Variants in CSMD3 observed in about 807,000 individuals in gnomAD.
CSMD3 encodes CUB and Sushi multiple domains 3, also known as CUB and sushi domain-containing protein 3.
A neutral mutation model predicts 435.2 loss-of-function variants in CSMD3; 177 were observed. The ratio of observed to expected loss-of-function variants is 0.41; its 90% CI spans 0.36 to 0.46. CSMD3 has a LOEUF of 0.46. Among genes scored for constraint, CSMD3 ranks in the 20% least tolerant of loss-of-function variants. The probability of loss-of-function intolerance (pLI) is 0.34; values close to 1 mark genes in which losing one functional copy is unlikely to be tolerated. For missense variants in CSMD3, 4,265 were observed against 4,504.6 expected, an observed-to-expected ratio of 0.95 and a Z score of 1.52; for synonymous variants, 1,656 against 1,520.5, an observed-to-expected ratio of 1.09 and a Z score of -2.07.
At chr8:112,839,970 T>C (rs565329741) in intron 11 of CSMD3, among the ~76,000 whole-genome samples, 1 of 151,894 alleles carries the variant, frequency 6.6e-6, no homozygotes, top group South Asian at 2.1e-4. Flanking sequence ...TGGTCTTTGT[T>C]GTTAACCTTA....
In CSMD3 at chr8:113,278,588, T is replaced by C. The variant is rs1352209844; in HGVS notation, c.514+4A>G. The C allele has an allele frequency of 7.1e-7, 1 of 1,413,580 alleles. No homozygotes were observed. The highest frequency in any genetic ancestry group is 1.0e-6 in the Non-Finnish European group (1 of 997,662). The allele number at this position is 1,413,580 out of a possible 1,614,324, so 87.6% of individuals were successfully genotyped here. ...GTGGTTTGTTTGCCACTACCATCAC[T>C]TACCTTCGTAATATACCTTAAATCC... On this transcript the variant is annotated splice_donor_region_variant and intron_variant, in intron 3 of 70. Transcript: ENST00000297405.
At chr8:113,336,801 G>A (rs1183787030) in intron 1 of CSMD3, among the ~76,000 whole-genome samples, 4 of 152,092 alleles carry the variant, frequency 2.6e-5, no homozygotes, top group African/African-American at 7.2e-5. Context: ...AGGATCCAGT[G>A]TTTACACTGA....
intron 59 of CSMD3, among the ~76,000 whole-genome samples, chr8:112,270,601 A>G (rs531594596): frequency 2.4e-4 from 36 of 152,260 alleles, no homozygotes; most frequent in Middle Eastern, 3.4e-3. Flanking sequence ...AAAGTGCCCA[A>G]TGATAGTAGG....
chr8:112,923,154 T>C (rs2130644801), intron 9 of CSMD3, among the ~76,000 whole-genome samples: 1 of 152,254 alleles, frequency 6.6e-6, no homozygotes, highest in Middle Eastern at 3.4e-3. Flanking sequence ...ATGATTGCAA[T>C]AGTCCTTCTT....
chr8:113,373,089 G>T (rs2094357196), intron 1 of CSMD3, among the ~76,000 whole-genome samples: 1 of 151,986 alleles, frequency 6.6e-6, no homozygotes, highest in Admixed American at 6.6e-5. Flanking sequence ...ATCTTCAACG[G>T]GATTAGCTGC....
At chr8:112,882,852 C>A (rs1317201332) in intron 10 of CSMD3, among the ~76,000 whole-genome samples, 2 of 151,984 alleles carry the variant, frequency 1.3e-5, no homozygotes, top group East Asian at 1.9e-4. Flanking sequence ...CTTTTCATAA[C>A]AGGAACTCCA....
intron 32 of CSMD3, among the ~76,000 whole-genome samples, chr8:112,427,779 G>A (rs890981408): frequency 1.3e-5 from 2 of 152,046 alleles, no homozygotes; most frequent in Non-Finnish European, 2.9e-5. Flanking sequence ...TCATTACTTT[G>A]TATCTTCTAA....
chr8:113,247,800 T>A (rs898198552), intron 3 of CSMD3, among the ~76,000 whole-genome samples: 30 of 152,218 alleles, frequency 2.0e-4, no homozygotes, highest in Non-Finnish European at 3.7e-4. Flanking sequence ...CTGTTATTAA[T>A]ATAACTTAAT....
At chr8:112,897,680 C>CTGTGTG (rs1359898103) in intron 10 of CSMD3, among the ~76,000 whole-genome samples, 15 of 88,734 alleles carry the variant, frequency 1.7e-4, no homozygotes, top group African/African-American at 5.8e-4. Context: ...CTCTCTCTCT[C>CTGTGTG]TCTCTCTCTC....
rs114459146 is a variant in CSMD3, at chr8:112,765,487, A to T, written c.1972+34675T>A. On this transcript the variant is annotated intron_variant, in intron 13 of 70. Transcript: ENST00000297405. The stretch of plus-strand genomic sequence containing the variant: ...ACCTGATTCGGGACACTGTTTCATG[A>T]ACAGTGAAATAATAAGACAGTATAA... Among the ~76,000 whole-genome samples the T allele has an allele frequency of 1.6e-3, 249 of 151,776 alleles. 1 individual carries two copies. The highest frequency in any genetic ancestry group is 5.8e-3 in the African/African-American group (242 of 41,482).
intron 2 of CSMD3, among the ~76,000 whole-genome samples, chr8:113,285,663 A>T (rs1248631485): frequency 1.3e-5 from 2 of 152,206 alleles, no homozygotes; most frequent in African/African-American, 4.8e-5. Flanking sequence ...TGAGACGAAC[A>T]TCCTGGAATC....
At chr8:112,784,590 C>T (rs895990047) in intron 13 of CSMD3, among the ~76,000 whole-genome samples, 3 of 151,914 alleles carry the variant, frequency 2.0e-5, no homozygotes. Flanking sequence ...GATATTACAA[C>T]TGATACCACA....
chr8:113,169,051 A>T (rs2092218274), intron 4 of CSMD3, among the ~76,000 whole-genome samples: 1 of 152,108 alleles, frequency 6.6e-6, no homozygotes, highest in Non-Finnish European at 1.5e-5. Context: ...TTTCTTCTCC[A>T]ACTATTGTCT....
At chr8:112,261,523 T>C (rs1057259256) in intron 61 of CSMD3, among the ~76,000 whole-genome samples, 1 of 150,318 alleles carries the variant, frequency 6.7e-6, no homozygotes, top group East Asian at 1.9e-4. Context: ...CGTGTATGCA[T>C]GTGTGTGTGT....
chr8:112,973,354 C>G (rs373542151), intron 7 of CSMD3, among the ~76,000 whole-genome samples: 4 of 152,028 alleles, frequency 2.6e-5, no homozygotes, highest in African/African-American at 9.6e-5. Context: ...AAGACTCACT[C>G]TCTGCATACA....
chr8:113,338,480 T>C (rs2094093864), intron 1 of CSMD3, among the ~76,000 whole-genome samples: 1 of 151,964 alleles, frequency 6.6e-6, no homozygotes, highest in Admixed American at 6.6e-5. Flanking sequence ...AAGTTGAATC[T>C]CTATTAACTG....
chr8:113,059,800 T>C (rs1247552370), intron 5 of CSMD3, among the ~76,000 whole-genome samples: 1 of 152,154 alleles, frequency 6.6e-6, no homozygotes, highest in African/African-American at 2.4e-5. Context: ...CTTTTGCTTC[T>C]GGGTGTTCAT....
chr8:112,391,843 C>T (rs1830446199), intron 35 of CSMD3, among the ~76,000 whole-genome samples: 1 of 152,284 alleles, frequency 6.6e-6, no homozygotes, highest in South Asian at 2.1e-4. Context: ...CAGACCTACT[C>T]AGAAGTCAAT....
chr8:112,329,188 C>T (rs1284424842), intron 45 of CSMD3, among the ~76,000 whole-genome samples: 3 of 152,018 alleles, frequency 2.0e-5, no homozygotes, highest in Non-Finnish European at 4.4e-5. Context: ...TGTTGAGTTC[C>T]CTGGCATATA....
Sources: allele counts gnomAD v4.1 joint callset (sites outside exome capture counted in the v4.1 genomes callset), GRCh38; gene constraint gnomAD v4.1.1; transcripts MANE v1.5; gene names NCBI Gene and HGNC (gene_info 2026-07-23, HGNC 2026-07-21).